Variants in LRMDA observed in about 807,000 individuals in gnomAD.
LRMDA encodes leucine rich melanocyte differentiation associated.
Under a neutral mutation model 29.8 loss-of-function variants are expected in LRMDA, and 18 were observed. That is an observed-to-expected ratio of 0.60 (90% CI 0.42 to 0.90). The LOEUF is 0.90. LRMDA is among the 40% of genes least tolerant of loss of function. The probability of loss-of-function intolerance (pLI) is 0.00; values close to 1 mark genes in which losing one functional copy is unlikely to be tolerated. For missense variants in LRMDA, 273 were observed against 273.9 expected, an observed-to-expected ratio of 1.00 and a Z score of 0.02; for synonymous variants, 125 against 109.4, an observed-to-expected ratio of 1.14 and a Z score of -0.89.
At chr10:76,537,127 G>C (rs1843300089) in intron 6 of LRMDA, among the ~76,000 whole-genome samples, 1 of 152,118 alleles carries the variant, frequency 6.6e-6, no homozygotes, top group African/African-American at 2.4e-5. Flanking sequence ...GTTCACGAGA[G>C]AGCTTCTTCA....
At chr10:76,228,146 C>T (rs896038213) in intron 5 of LRMDA, among the ~76,000 whole-genome samples, 49 of 151,856 alleles carry the variant, frequency 3.2e-4, no homozygotes, top group African/African-American at 1.1e-3. Context: ...CTCAGCCTCC[C>T]GAGTAGCTGG....
chr10:76,389,595 C>A (rs942595051), intron 6 of LRMDA, among the ~76,000 whole-genome samples: 7 of 152,152 alleles, frequency 4.6e-5, no homozygotes, highest in African/African-American at 1.7e-4. Flanking sequence ...TTTCATCCTG[C>A]AAAACTGAAA....
chr10:76,104,476 C>G (rs1307648943), intron 5 of LRMDA, among the ~76,000 whole-genome samples: 1 of 151,912 alleles, frequency 6.6e-6, no homozygotes, highest in South Asian at 2.1e-4. Flanking sequence ...AGGACTATAG[C>G]CTTTCATGCC....
intron 2 of LRMDA, among the ~76,000 whole-genome samples, chr10:75,645,278 T>C (rs1167407089): frequency 6.6e-6 from 1 of 152,198 alleles, no homozygotes; most frequent in African/African-American, 2.4e-5. Context: ...CCACCGTGCA[T>C]GGCAACTTAT....
intron 2 of LRMDA, among the ~76,000 whole-genome samples, chr10:75,587,556 T>C (rs1203802557): frequency 6.6e-6 from 1 of 152,232 alleles, no homozygotes; most frequent in African/African-American, 2.4e-5. Flanking sequence ...ATAGACTAAA[T>C]GGCATATCTT....
At chr10:75,676,858 T>TGCCACCTTTGGC in intron 2 of LRMDA, among the ~76,000 whole-genome samples, 1 of 152,190 alleles carries the variant, frequency 6.6e-6, no homozygotes, top group Admixed American at 6.5e-5. Flanking sequence ...CATTCTCATT[T>TGCCACCTTTGGC]GCCACCTTTG....
At chr10:75,612,507 C>T (rs1311075683) in intron 2 of LRMDA, among the ~76,000 whole-genome samples, 1 of 151,990 alleles carries the variant, frequency 6.6e-6, no homozygotes, top group African/African-American at 2.4e-5. Flanking sequence ...TTAAAAGCAG[C>T]AATGTCAGTA....
Position 75,474,666 on chromosome 10 carries a change from T to C in LRMDA, c.131+36172T>C, listed in dbSNP as rs534736885. The stretch of plus-strand genomic sequence containing the variant: ...GACTTTGGTACAAGGCAGTTTGCTT[T>C]ATATCTGGGAGGGTAGTCAGAGTGG... On this transcript the variant is annotated intron_variant, in intron 2 of 6. Transcript: ENST00000611255. Among the ~76,000 whole-genome samples, 13 of 152,316 alleles carry C rather than the reference T, an allele frequency of 8.5e-5. No homozygotes were observed. In the East Asian group the frequency reaches 9.6e-4, roughly 11 times the overall value.
At chr10:75,448,247 T>C (rs1302489651) in intron 2 of LRMDA, among the ~76,000 whole-genome samples, 1 of 152,242 alleles carries the variant, frequency 6.6e-6, no homozygotes, top group Non-Finnish European at 1.5e-5. Flanking sequence ...TTTTGTATAA[T>C]GCTTTTTATT....
chr10:76,356,773 A>G (rs1841245869), intron 6 of LRMDA, among the ~76,000 whole-genome samples: 1 of 152,198 alleles, frequency 6.6e-6, no homozygotes, highest in Non-Finnish European at 1.5e-5. Flanking sequence ...ATGTTTTTAA[A>G]TGAAAATGAC....
intron 2 of LRMDA, among the ~76,000 whole-genome samples, chr10:75,731,906 A>G (rs546717623): frequency 5.9e-5 from 9 of 152,350 alleles, no homozygotes; most frequent in Admixed American, 4.6e-4. Context: ...TCCGAAGTAT[A>G]TGCATTAAAT....
chr10:75,503,741 T>C (rs1845141466), intron 2 of LRMDA, among the ~76,000 whole-genome samples: 1 of 152,112 alleles, frequency 6.6e-6, no homozygotes, highest in Non-Finnish European at 1.5e-5. Flanking sequence ...ACAGTAGTTA[T>C]ATTGGGAATA....
chr10:75,572,819 G>A (rs1840454408), intron 2 of LRMDA, among the ~76,000 whole-genome samples: 1 of 152,164 alleles, frequency 6.6e-6, no homozygotes, highest in Admixed American at 6.5e-5. Flanking sequence ...CCATAACGGT[G>A]GAGCCCTGAT....
rs527981286 is a variant in LRMDA, at chr10:76,122,291, A to G, written c.516+63508A>G. Among the ~76,000 whole-genome samples the G allele has an allele frequency of 4.6e-5, 7 of 151,610 alleles. No individual in the cohort carries two copies. In the East Asian group the frequency reaches 1.4e-3, roughly 30 times the overall value. On this transcript the variant is annotated intron_variant, in intron 5 of 6. Transcript: ENST00000611255. ...GATGCTCAGACATCTGCTGCGGCAGATTGTCTCCTGCTTGGGCTGTGTCCA... is the reference window on the plus strand; with the variant it reads ...GATGCTCAGACATCTGCTGCGGCAGGTTGTCTCCTGCTTGGGCTGTGTCCA...
At chr10:75,485,807 ACCTCAAGTGATCTGCCTG>A (rs1165265692) in intron 2 of LRMDA, among the ~76,000 whole-genome samples, 1 of 152,082 alleles carries the variant, frequency 6.6e-6, no homozygotes, top group African/African-American at 2.4e-5. Flanking sequence ...CAAACACCTG[ACCTCAAGTGATCTGCCTG>A]CCTTGGCATC....
chr10:76,435,116 A>G (rs80276543), intron 6 of LRMDA, among the ~76,000 whole-genome samples: 7,226 of 152,254 alleles, frequency 0.047, 428 homozygotes, highest in African/African-American at 0.13. Context: ...TCTATATGAC[A>G]TAGTCCTTCC....
intron 3 of LRMDA, among the ~76,000 whole-genome samples, chr10:76,038,271 G>A (rs978833044): frequency 6.6e-6 from 1 of 152,206 alleles, no homozygotes; most frequent in Non-Finnish European, 1.5e-5. Context: ...TTTATTCACA[G>A]TATTGCTGTC....
intron 5 of LRMDA, among the ~76,000 whole-genome samples, chr10:76,082,804 C>T (rs1357211988): frequency 6.6e-6 from 1 of 152,268 alleles, no homozygotes; most frequent in East Asian, 1.9e-4. Context: ...ATACTCATAT[C>T]CTGTGCCCAG....
chr10:75,437,742 GCA>G (rs1844277486), intron 1 of LRMDA, among the ~76,000 whole-genome samples: 1 of 152,208 alleles, frequency 6.6e-6, no homozygotes, highest in South Asian at 2.1e-4. Flanking sequence ...ACAGCTTTGT[GCA>G]CAGAGTGGGA....
Sources: allele counts gnomAD v4.1 joint callset (sites outside exome capture counted in the v4.1 genomes callset), GRCh38; gene constraint gnomAD v4.1.1; transcripts MANE v1.5; gene names NCBI Gene and HGNC (gene_info 2026-07-23, HGNC 2026-07-21).